The following SGCZ variants were observed in gnomAD, a reference collection of about 807,000 sequenced individuals.
SGCZ encodes sarcoglycan zeta.
A neutral mutation model predicts 41.3 loss-of-function variants in SGCZ; 40 were observed. The observed-to-expected ratio is 0.97, with a 90% CI of 0.75 to 1.26. The LOEUF is 1.26. SGCZ is among the 50% of genes most tolerant of loss of function. The pLI is 0.00. For missense variants in SGCZ, 552 were observed against 369.8 expected (o/e 1.49, Z -4.04); for synonymous variants, 206 against 137.5 (o/e 1.50, Z -3.49).
intron 2 of SGCZ, among the ~76,000 whole-genome samples, chr8:14,445,825 G>C (rs1800416487): frequency 6.6e-6 from 1 of 152,158 alleles, no homozygotes; most frequent in South Asian, 2.1e-4. Context: ...TCTGGTTCTA[G>C]CCATGGGTTC....
At chr8:14,167,025 A>G (rs890032872) in intron 4 of SGCZ, among the ~76,000 whole-genome samples, 1 of 152,190 alleles carries the variant, frequency 6.6e-6, no homozygotes, top group Non-Finnish European at 1.5e-5. Context: ...CAAAATTACA[A>G]GCAATTAGCA....
At chr8:14,913,134 A>T (rs1278141257) in intron 1 of SGCZ, among the ~76,000 whole-genome samples, 2 of 152,104 alleles carry the variant, frequency 1.3e-5, no homozygotes, top group Non-Finnish European at 2.9e-5. Flanking sequence ...CTTTTTAATT[A>T]TACATTCTCA....
At chr8:15,077,997 A>G (rs1470438829) in intron 1 of SGCZ, among the ~76,000 whole-genome samples, 3 of 48,412 alleles carry the variant, frequency 6.2e-5, no homozygotes, top group Admixed American at 3.0e-4. Flanking sequence ...GGGCATACCC[A>G]CACTGGACTG....
intron 1 of SGCZ, among the ~76,000 whole-genome samples, chr8:15,035,910 T>A: frequency 6.6e-6 from 1 of 152,042 alleles, no homozygotes; most frequent in East Asian, 1.9e-4. Context: ...TATTGCATTT[T>A]CGGTAATGGA....
At chr8:14,191,255 G>C (rs897576121) in intron 4 of SGCZ, among the ~76,000 whole-genome samples, 1 of 151,952 alleles carries the variant, frequency 6.6e-6, no homozygotes, top group Non-Finnish European at 1.5e-5. Flanking sequence ...CAGTTACATA[G>C]TCCAAATATA....
intron 3 of SGCZ, among the ~76,000 whole-genome samples, chr8:14,280,637 T>A (rs768696640): frequency 2.6e-5 from 4 of 151,958 alleles, no homozygotes; most frequent in Non-Finnish European, 5.9e-5. Context: ...TTTCTAAATA[T>A]TAAGAAATGG....
chr8:14,647,071 C>A (rs1451536895), intron 1 of SGCZ, among the ~76,000 whole-genome samples: 1 of 151,904 alleles, frequency 6.6e-6, no homozygotes, highest in Non-Finnish European at 1.5e-5. Context: ...AAAGGGGAAG[C>A]CCATTTTGTG....
chr8:14,571,886 G>A (rs1804565365), intron 1 of SGCZ, among the ~76,000 whole-genome samples: 1 of 152,096 alleles, frequency 6.6e-6, no homozygotes, highest in Non-Finnish European at 1.5e-5. Flanking sequence ...TGCAGTCCAT[G>A]ATACTTGCTT....
chr8:14,144,984 T>G (rs968214596), intron 5 of SGCZ, among the ~76,000 whole-genome samples: 4 of 152,260 alleles, frequency 2.6e-5, no homozygotes, highest in East Asian at 3.9e-4. Flanking sequence ...CCAGGTAGAC[T>G]TCTAAGGTTT....
intron 1 of SGCZ, among the ~76,000 whole-genome samples, chr8:15,237,258 C>G (rs1028856715): frequency 6.6e-6 from 1 of 152,164 alleles, no homozygotes; most frequent in East Asian, 2.0e-4. Context: ...CGCTGCCCCC[C>G]CCGGGGAGAC....
chr8:14,493,153 T>C (rs929244212), intron 2 of SGCZ, among the ~76,000 whole-genome samples: 3 of 152,004 alleles, frequency 2.0e-5, no homozygotes, highest in Non-Finnish European at 2.9e-5. Flanking sequence ...AGACTTTGCA[T>C]TGGTAATCGG....
intron 1 of SGCZ, among the ~76,000 whole-genome samples, chr8:15,049,063 A>G (rs1204956870): frequency 6.6e-6 from 1 of 152,184 alleles, no homozygotes; most frequent in Non-Finnish European, 1.5e-5. Context: ...GAGATACCTA[A>G]CAAATCTCTG....
At chr8:14,766,727 A>ATTTTTTTTTTTTTT (rs33955290) in intron 1 of SGCZ, among the ~76,000 whole-genome samples, 4 of 92,800 alleles carry the variant, frequency 4.3e-5, no homozygotes, top group Admixed American at 1.4e-4. Context: ...ATGTCCAGCT[A>ATTTTTTTTTTTTTT]TTTTTTTTTT....
chr8:14,181,446 A>G (rs4145610), intron 4 of SGCZ, among the ~76,000 whole-genome samples: 151,468 of 152,312 alleles, frequency 0.99, 75,319 homozygotes, highest in East Asian at 1. Context: ...ACCCAGAGGT[A>G]GGTGGGCATC....
chr8:15,162,326 AC>A (rs1799533602), intron 1 of SGCZ, among the ~76,000 whole-genome samples: 1 of 152,216 alleles, frequency 6.6e-6, no homozygotes, highest in South Asian at 2.1e-4. Flanking sequence ...TGTGGCCAGC[AC>A]CTGTCCCACC....
intron 1 of SGCZ, among the ~76,000 whole-genome samples, chr8:14,713,536 C>A (rs1017909465): frequency 2.0e-5 from 3 of 152,014 alleles, no homozygotes; most frequent in African/African-American, 4.8e-5. Context: ...TTGCTAAATG[C>A]AAATGAGGGT....
intron 5 of SGCZ, among the ~76,000 whole-genome samples, chr8:14,161,827 A>C (rs559229158): frequency 6.6e-6 from 1 of 152,270 alleles, no homozygotes; most frequent in Non-Finnish European, 1.5e-5. Context: ...AGAGAGAGCC[A>C]GTGTGAAACA....
chr8:14,840,576 C>T (rs1025073730), intron 1 of SGCZ, among the ~76,000 whole-genome samples: 2 of 152,042 alleles, frequency 1.3e-5, no homozygotes, highest in African/African-American at 4.8e-5. Context: ...AGGGGGAAAT[C>T]AGAATCAATG....
At chr8:14,684,934 G>A (rs1808563848) in intron 1 of SGCZ, among the ~76,000 whole-genome samples, 1 of 151,996 alleles carries the variant, frequency 6.6e-6, no homozygotes, top group Non-Finnish European at 1.5e-5. Context: ...ACATGCAGTG[G>A]CATTTCCTAT....
Sources: gnomAD v4.1 joint callset for allele counts (sites outside exome capture counted in the v4.1 genomes callset) on GRCh38, gnomAD v4.1.1 for gene constraint, MANE v1.5 for transcripts, NCBI Gene and HGNC (gene_info 2026-07-23, HGNC 2026-07-21) for gene names.